Variants in SGCZ observed in about 807,000 individuals in gnomAD.
SGCZ encodes the protein sarcoglycan zeta, also known as zeta-sarcoglycan.
A neutral mutation model predicts 41.3 loss-of-function variants in SGCZ; 40 were observed. That is an observed-to-expected ratio of 0.97 (90% confidence interval 0.75 to 1.26). The LOEUF is 1.26. Among genes scored for constraint, SGCZ ranks in the 50% most tolerant of loss-of-function variants. The pLI is 0.00. For synonymous variants in SGCZ, 206 were observed against 137.5 expected, an observed-to-expected ratio of 1.50 and a Z score of -3.49; for missense variants, 552 against 369.8, an observed-to-expected ratio of 1.49 and a Z score of -4.04.
chr8:14,552,144 T>C (rs1048143198), intron 2 of SGCZ, among the ~76,000 whole-genome samples: 2 of 151,994 alleles, frequency 1.3e-5, no homozygotes, highest in African/African-American at 4.8e-5. Flanking sequence ...TCTGTAGATA[T>C]GAAAAGGAAC....
intron 2 of SGCZ, among the ~76,000 whole-genome samples, chr8:14,337,532 G>A (rs536926945): frequency 2.0e-4 from 31 of 152,252 alleles, no homozygotes; most frequent in African/African-American, 7.0e-4. Flanking sequence ...AATGACTCCC[G>A]GAAGTATGGG....
chr8:14,724,208 G>A (rs1261257775), intron 1 of SGCZ, among the ~76,000 whole-genome samples: 1 of 152,030 alleles, frequency 6.6e-6, no homozygotes, highest in African/African-American at 2.4e-5. Flanking sequence ...GTGTTCTGCT[G>A]TACTATTTAG....
intron 1 of SGCZ, among the ~76,000 whole-genome samples, chr8:14,589,974 G>T (rs2117281862): frequency 6.6e-6 from 1 of 152,210 alleles, no homozygotes. Context: ...TGATGATTAT[G>T]AAGCCAACTC....
At chr8:14,398,159 G>A (rs1381790967) in intron 2 of SGCZ, among the ~76,000 whole-genome samples, 1 of 152,112 alleles carries the variant, frequency 6.6e-6, no homozygotes, top group African/African-American at 2.4e-5. Flanking sequence ...GGAAGGACAG[G>A]AGCACTGTGT....
intron 1 of SGCZ, among the ~76,000 whole-genome samples, chr8:14,999,318 G>C (rs146699630): frequency 6.6e-6 from 1 of 152,142 alleles, no homozygotes; most frequent in Admixed American, 6.5e-5. Context: ...GCTGAGATAC[G>C]TGTTAATTCT....
intron 3 of SGCZ, among the ~76,000 whole-genome samples, chr8:14,267,547 C>A (rs1286928686): frequency 6.6e-6 from 1 of 152,036 alleles, no homozygotes; most frequent in Non-Finnish European, 1.5e-5. Flanking sequence ...CTGGTATCGC[C>A]TAGTCTCATG....
chr8:15,005,413 C>A (rs1802577466), intron 1 of SGCZ, among the ~76,000 whole-genome samples: 2 of 145,242 alleles, frequency 1.4e-5, no homozygotes, highest in Non-Finnish European at 1.5e-5. Context: ...CTCATCACAA[C>A]CTCTGCCTCC....
rs1801581002 is a variant in SGCZ, at chr8:14,088,195, G to C, written c.*2248C>G. ...CTTGAAATTAGAACATGTTGGAACAGAAAGGAACCCCAAGAGACTATTTTA... is the reference window on the plus strand; with the variant it reads ...CTTGAAATTAGAACATGTTGGAACACAAAGGAACCCCAAGAGACTATTTTA... On this transcript the variant is annotated 3_prime_UTR_variant, in exon 8 of 8. Transcript: ENST00000382080. Among the ~76,000 whole-genome samples, 1 of 151,584 alleles carries C rather than the reference G, an allele frequency of 6.6e-6. No homozygotes were observed. Among genetic ancestry groups the C allele is most frequent in the Non-Finnish European group, 1.5e-5 (1 of 67,768 alleles).
intron 6 of SGCZ, among the ~76,000 whole-genome samples, chr8:14,102,844 A>G (rs1802076320): frequency 6.6e-6 from 1 of 152,204 alleles, no homozygotes; most frequent in African/African-American, 2.4e-5. Context: ...AAAATTTTTA[A>G]TAACTTACCA....
chr8:14,880,806 G>A (rs1804558211), intron 1 of SGCZ, among the ~76,000 whole-genome samples: 2 of 152,082 alleles, frequency 1.3e-5, no homozygotes, highest in Admixed American at 1.3e-4. Context: ...CCTGTTGTGG[G>A]GTCAGGGGAT....
chr8:14,301,457 C>A (rs1801186315), intron 3 of SGCZ, among the ~76,000 whole-genome samples: 2 of 151,958 alleles, frequency 1.3e-5, no homozygotes, highest in African/African-American at 4.8e-5. Context: ...CTCAGATTCA[C>A]CCTCGTCTTA....
chr8:14,537,731 T>TC (rs1287721735), intron 2 of SGCZ, among the ~76,000 whole-genome samples: 1 of 151,818 alleles, frequency 6.6e-6, no homozygotes, highest in Non-Finnish European at 1.5e-5. Context: ...CATTGAATGT[T>TC]CCCCCCTCAT....
At chr8:14,723,372 C>T (rs951955687) in intron 1 of SGCZ, among the ~76,000 whole-genome samples, 1 of 152,194 alleles carries the variant, frequency 6.6e-6, no homozygotes, top group African/African-American at 2.4e-5. Context: ...GCACTGCCCA[C>T]TCTTGCTGTG....
rs538196760 is a variant in SGCZ at position 14,575,821 on chromosome 8, G to C, written c.40-20895C>G. Among the ~76,000 whole-genome samples, 9 of 149,096 alleles carry C rather than the reference G, an allele frequency of 6.0e-5. No homozygotes were observed. In the East Asian group the frequency reaches 1.6e-3, roughly 27 times the overall value. On this transcript the variant is annotated intron_variant, in intron 1 of 7. Coordinates refer to ENST00000382080, the MANE Select transcript of SGCZ (RefSeq NM_139167.4). ...CTTTGGAGGCTGAGGCAGGAGAATCGCTTGAACCCAGGAGGCGGAGGTTGT... is the reference window on the plus strand; with the variant it reads ...CTTTGGAGGCTGAGGCAGGAGAATCCCTTGAACCCAGGAGGCGGAGGTTGT...
intron 1 of SGCZ, among the ~76,000 whole-genome samples, chr8:14,567,576 A>G (rs7001373): frequency 0.029 from 4,484 of 152,246 alleles, 133 homozygotes; most frequent in African/African-American, 0.08. Flanking sequence ...GGGTGGGGCT[A>G]GATAAGAGAA....
At chr8:15,147,616 G>A (rs188429445) in intron 1 of SGCZ, among the ~76,000 whole-genome samples, 29 of 152,176 alleles carry the variant, frequency 1.9e-4, no homozygotes, top group Middle Eastern at 3.4e-3. Flanking sequence ...GTGATTTTCC[G>A]CTGAAAGTTG....
At chr8:15,055,689 C>A (rs779900498) in intron 1 of SGCZ, among the ~76,000 whole-genome samples, 1 of 152,202 alleles carries the variant, frequency 6.6e-6, no homozygotes. Context: ...TGTCAACCAA[C>A]GAGAATTACC....
chr8:15,006,516 G>A (rs924924893), intron 1 of SGCZ, among the ~76,000 whole-genome samples: 2 of 152,154 alleles, frequency 1.3e-5, no homozygotes, highest in Non-Finnish European at 2.9e-5. Flanking sequence ...TTAAGGGAAA[G>A]CCTGATCATT....
At chr8:14,459,025 C>A (rs1367279476) in intron 2 of SGCZ, among the ~76,000 whole-genome samples, 1 of 152,130 alleles carries the variant, frequency 6.6e-6, no homozygotes, top group East Asian at 1.9e-4. Context: ...ACCCTCTCAT[C>A]AGCAAAATTA....
Sources: gnomAD v4.1 joint callset for allele counts (sites outside exome capture counted in the v4.1 genomes callset) on GRCh38, gnomAD v4.1.1 for gene constraint, MANE v1.5 for transcripts, NCBI Gene and HGNC (gene_info 2026-07-23, HGNC 2026-07-21) for gene names.